MCMDC2: variants seen among roughly 807,000 people sequenced by gnomAD.
MCMDC2 encodes the protein minichromosome maintenance domain containing 2.
MCMDC2 carries 54 observed loss-of-function variants against 75.8 expected under a neutral mutation model. The observed-to-expected ratio is 0.71, with a 90% CI of 0.57 to 0.89. The LOEUF (loss-of-function observed/expected upper bound fraction) is 0.89. MCMDC2 is among the 40% of genes least tolerant of loss of function. MCMDC2 has a pLI of 0.00. For synonymous variants in MCMDC2, 249 were observed against 274.6 expected (o/e 0.91, Z 0.92); for missense variants, 656 against 780.4 (o/e 0.84, Z 1.90).
chr8:66,891,643 T>C (rs1269621475), intron 10 of MCMDC2, among the ~76,000 whole-genome samples: 1 of 152,216 alleles, frequency 6.6e-6, no homozygotes, highest in Non-Finnish European at 1.5e-5. Context: ...GCACCTCTGC[T>C]TGAGTTTCAC....
At position 66,905,227 on chromosome 8, in the gene MCMDC2, G is replaced by A. The variant is rs201352762; in HGVS notation, c.1771G>A (p.Val591Ile). Residue 591 changes from valine to isoleucine, a missense_variant and splice_region_variant, in exon 14 of 15, where the codon GTT (valine) becomes ATT (isoleucine). Val to Ile is a conservative substitution (Grantham distance 29). Transcript: ENST00000422365. The stretch of plus-strand genomic sequence containing the variant: ...TTTGGCAACTATTTTCTTTTTTAGC[G>A]TTTTCCTATCTGAAGCCCATGCACG... ...KLSASALKYL[V>I]FLSEAHARLN... 3.3e-4 allele frequency: 462 copies of A among 1,418,446 alleles called. 1 individual carries two copies. The highest frequency in any genetic ancestry group is 1.1e-3 in the Middle Eastern group (6 of 5,502). The allele number at this position is 1,418,446 out of a possible 1,614,324, so 87.9% of individuals were successfully genotyped here. A position where few individuals can be genotyped will look rare whatever the true frequency, so the allele number is the denominator to read the frequency against.
intron 8 of MCMDC2, among the ~76,000 whole-genome samples, chr8:66,882,919 A>G (rs1270792958): frequency 1.3e-5 from 2 of 152,158 alleles, no homozygotes; most frequent in African/African-American, 4.8e-5. Flanking sequence ...GTAGGTGGAG[A>G]GTGTGCTTTC....
downstream of MCMDC2, among the ~76,000 whole-genome samples, chr8:66,924,949 G>A (rs1029215271): frequency 1.3e-5 from 2 of 152,120 alleles, no homozygotes; most frequent in African/African-American, 4.8e-5. Context: ...CACAAAGTAC[G>A]GTTAACTAAG....
intron 1 of MCMDC2, among the ~76,000 whole-genome samples, chr8:66,872,496 T>C (rs1391003024): frequency 6.6e-6 from 1 of 152,202 alleles, no homozygotes; most frequent in Non-Finnish European, 1.5e-5. Context: ...TGCTACCTGG[T>C]ATATTCATAT....
chr8:66,920,523 T>G lies in MCMDC2; in HGVS notation c.*1354T>G, dbSNP rs1045361151. ...GGTATGAGCCAACACGACTGGCGAC[T>G]GTAGTTTTCAACAAAATACTTACAT... On this transcript the variant is annotated 3_prime_UTR_variant, in exon 15 of 15. Transcript: ENST00000422365. The G allele has an allele frequency of 6.6e-6, 1 of 152,204 alleles. No individual in the cohort carries two copies. Among genetic ancestry groups the G allele is most frequent in the Non-Finnish European group, 1.5e-5 (1 of 68,038 alleles). The allele number at this position is 152,204 out of a possible 1,614,324, so 9.4% of individuals were successfully genotyped here. A position where few individuals can be genotyped will look rare whatever the true frequency, so the allele number is the denominator to read the frequency against.
At chr8:66,885,278 A>G (rs1202740969) in intron 9 of MCMDC2, among the ~76,000 whole-genome samples, 3 of 151,582 alleles carry the variant, frequency 2.0e-5, no homozygotes, top group African/African-American at 7.3e-5. Flanking sequence ...GGTTGCAATG[A>G]GCCGAGATCG....
intron 4 of MCMDC2, 137 bp from the exon 5 acceptor site, chr8:66,877,212 C>G: frequency 2.0e-6 from 1 of 505,736 alleles, no homozygotes; most frequent in Non-Finnish European, 3.4e-6. Flanking sequence ...TGTTGTTTCT[C>G]TAATGCTTAA....
chr8:66,911,876 A>T (rs1813136949), intron 14 of MCMDC2, among the ~76,000 whole-genome samples: 1 of 152,096 alleles, frequency 6.6e-6, no homozygotes, highest in Non-Finnish European at 1.5e-5. Flanking sequence ...TTGACAATGC[A>T]CCTGGCCTCC....
At position 66,920,559 on chromosome 8, in the gene MCMDC2, TATA is replaced by T. The variant is rs1303521736; in HGVS notation, c.*1393_*1395del. 1.3e-5 allele frequency: 2 copies of T among 152,238 alleles called. No homozygotes were observed. Among genetic ancestry groups the T allele is most frequent in the Non-Finnish European group, 2.9e-5 (2 of 68,044 alleles). The allele number at this position is 152,238 out of a possible 1,614,324, so 9.4% of individuals were successfully genotyped here. On this transcript the variant is annotated 3_prime_UTR_variant, in exon 15 of 15. Transcript: ENST00000422365. ...ACAAAATACTTACATATTACAGTTC[TATA>T]ATGTTAAGACGTTTATTTTGTGCTT...
intron 7 of MCMDC2, among the ~76,000 whole-genome samples, 158 bp downstream of exon 7, chr8:66,879,077 G>A (rs961230396): frequency 6.6e-6 from 1 of 152,040 alleles, no homozygotes; most frequent in Non-Finnish European, 1.5e-5. Context: ...GCAATATAGT[G>A]AGACCCCATC....
intron 12 of MCMDC2, among the ~76,000 whole-genome samples, chr8:66,897,406 CAAAA>C (rs745366466): frequency 2.8e-5 from 2 of 72,278 alleles, no homozygotes; most frequent in Non-Finnish European, 5.6e-5. Flanking sequence ...GACCCTGTCT[CAAAA>C]AAAAAAAAAA....
chr8:66,898,785 G>A (rs556006347), intron 12 of MCMDC2, among the ~76,000 whole-genome samples: 1 of 152,276 alleles, frequency 6.6e-6, no homozygotes, highest in African/African-American at 2.4e-5. Flanking sequence ...ACATTAGTTG[G>A]GCTGTAAGAA....
In MCMDC2 at chr8:66,896,942, A is replaced by G; in HGVS notation, c.1609A>G (p.Thr537Ala). 1 of 1,602,512 alleles carries G rather than the reference A, an allele frequency of 6.2e-7. No individual in the cohort carries two copies. ...TTATGCGGCTTCTAGACAGTTCACAACTGAAGATTTTGAAAAGGTAAAGGT... is the reference window on the plus strand; with the variant it reads ...TTATGCGGCTTCTAGACAGTTCACAGCTGAAGATTTTGAAAAGGTAAAGGT... Reference protein sequence around the residue: ...LFYAASRQFTTEDFEKLLAFA... With the variant: ...LFYAASRQFTAEDFEKLLAFA... Residue 537 changes from threonine to alanine, a missense_variant, in exon 12 of 15, where the codon ACT (threonine) becomes GCT (alanine). Thr to Ala is a moderately conservative substitution (Grantham distance 58). Coordinates refer to ENST00000422365, the MANE Select transcript of MCMDC2 (RefSeq NM_173518.5).
Position 66,878,716 on chromosome 8 carries a change from T to C in MCMDC2, c.604+20T>C. ...TTGGTGGTAATATGCATTTATATTT[T>C]GTAATTATAATTTTTAAAATAGTGT... On this transcript the variant is annotated intron_variant, in intron 6 of 14. Transcript: ENST00000422365. 6.5e-7 allele frequency: 1 copy of C among 1,532,922 alleles called. No homozygotes were observed. Among genetic ancestry groups the C allele is most frequent in the South Asian group, 1.3e-5 (1 of 78,898 alleles). The allele number at this position is 1,532,922 out of a possible 1,614,324, so 95.0% of individuals were successfully genotyped here.
At chr8:66,922,716 T>C (rs1219769251), downstream of MCMDC2, 4 of 267,244 alleles carry the variant, frequency 1.5e-5, no homozygotes, top group Non-Finnish European at 2.3e-5. Context: ...CCTCAAAGGC[T>C]TTCTTGCACC....
intron 13 of MCMDC2, among the ~76,000 whole-genome samples, chr8:66,903,483 G>T (rs947587515): frequency 6.6e-6 from 1 of 152,132 alleles, no homozygotes; most frequent in South Asian, 2.1e-4. Flanking sequence ...ATCAAATAAA[G>T]AAATGGTCTA....
intron 5 of MCMDC2, 131 bp downstream of exon 5, chr8:66,877,675 G>C: frequency 1.7e-6 from 1 of 597,878 alleles, no homozygotes; most frequent in Admixed American, 3.8e-5. Flanking sequence ...GACCAGCCTG[G>C]GCAACATGGA....
chr8:66,885,206 G>A (rs113225253), intron 9 of MCMDC2, among the ~76,000 whole-genome samples: 271 of 151,770 alleles, frequency 1.8e-3, no homozygotes, highest in African/African-American at 5.9e-3. Context: ...GGTGGCACGC[G>A]CCTGTAGTCC....
intron 7 of MCMDC2, among the ~76,000 whole-genome samples, chr8:66,879,282 A>G (rs985677414): frequency 2.6e-5 from 4 of 151,832 alleles, no homozygotes; most frequent in East Asian, 1.9e-4. Flanking sequence ...AAAAAATAAT[A>G]ATAACAACAA....
Sources: gnomAD v4.1 joint callset for allele counts (sites outside exome capture counted in the v4.1 genomes callset) on GRCh38, gnomAD v4.1.1 for gene constraint, MANE v1.5 for transcripts, NCBI Gene and HGNC (gene_info 2026-07-23, HGNC 2026-07-21) for gene names.